The following SLC4A4 variants were observed in gnomAD, a reference collection of about 807,000 sequenced individuals.
SLC4A4 encodes the protein electrogenic sodium bicarbonate cotransporter 1.
Under a neutral mutation model 111.5 loss-of-function variants are expected in SLC4A4, and 27 were observed. The observed-to-expected ratio is 0.24, with a 90% CI of 0.18 to 0.33. The LOEUF is 0.33. Ranked by LOEUF, SLC4A4 falls within the 10% of genes least tolerant of loss-of-function variation. SLC4A4 has a pLI of 1.00. For missense variants in SLC4A4, 909 were observed against 1,315.5 expected, an observed-to-expected ratio of 0.69 and a Z score of 4.78; for synonymous variants, 443 against 463.4, an observed-to-expected ratio of 0.96 and a Z score of 0.57.
chr4:71,178,228 G>A (rs892916312), intron 2 of SLC4A4, among the ~76,000 whole-genome samples: 2 of 151,820 alleles, frequency 1.3e-5, no homozygotes, highest in African/African-American at 4.8e-5. Context: ...GAGAAAGCAG[G>A]AAAGATCTAA....
chr4:71,326,739 A>G lies in SLC4A4; in HGVS notation c.254-12631A>G, dbSNP rs147239375. Among the ~76,000 whole-genome samples, 48 of 152,136 alleles carry G rather than the reference A, an allele frequency of 3.2e-4. 1 individual carries two copies. The East Asian group carries it at 9.1e-3, about 29-fold the overall frequency. On this transcript the variant is annotated intron_variant, in intron 3 of 25. Coordinates refer to ENST00000264485, the MANE Select transcript of SLC4A4 (RefSeq NM_001098484.3). ...GGAGCCATTTGGTTTAGGTCTGAGC[A>G]CCTGAGCTATTGTAAAGCATGACAT...
chr4:71,433,755 T>A (rs1397528304), intron 7 of SLC4A4, among the ~76,000 whole-genome samples: 1 of 152,072 alleles, frequency 6.6e-6, no homozygotes, highest in Non-Finnish European at 1.5e-5. Flanking sequence ...CTACTTTTAG[T>A]TATACATATT....
rs149802590 is a variant in SLC4A4, at chr4:71,350,042, C to T, written c.520C>T (p.Arg174Trp). ...CMEKGSIMLD[R>W]EASSLPQLVE... ...GGAGAAAGGATCCATCATGCTTGAT[C>T]GGGAGGCTTCTTCTCTCCCACAGTT... Residue 174 changes from arginine (R) to tryptophan (W), a missense_variant, in exon 5 of 26, where the codon CGG becomes TGG. This residue lies in a region of SLC4A4 where 312 missense variants were observed against 402.0 expected (regional missense o/e 0.78). Transcript: ENST00000264485. The T allele has an allele frequency of 1.3e-3, 2,108 of 1,614,080 alleles. 4 individuals carry two copies. Among genetic ancestry groups the T allele is most frequent in the Admixed American group, 2.4e-3 (144 of 60,016 alleles).
At position 71,571,212 on chromosome 4, in the gene SLC4A4, G is replaced by C. The variant is rs149359243; in HGVS notation, c.*3461G>C. The stretch of plus-strand genomic sequence containing the variant: ...TTAAAAACAAAATGAAATAATTTGA[G>C]TTGTATTACAGAGGTTGACATTGTT... On this transcript the variant is annotated 3_prime_UTR_variant, in exon 26 of 26. Transcript: ENST00000264485. The C allele has an allele frequency of 2.6e-5, 4 of 152,346 alleles. No individual in the cohort carries two copies. The East Asian group carries it at 7.8e-4, about 30-fold the overall frequency. The allele number at this position is 152,346 out of a possible 1,614,324, so 9.4% of individuals were successfully genotyped here.
chr4:71,229,155 A>G (rs1719236255), intron 1 of SLC4A4, among the ~76,000 whole-genome samples: 1 of 152,234 alleles, frequency 6.6e-6, no homozygotes, highest in African/African-American at 2.4e-5. Flanking sequence ...TGTATAATGT[A>G]GTTTGTAACC....
chr4:71,302,621 G>A (rs2148842547), intron 3 of SLC4A4, among the ~76,000 whole-genome samples: 1 of 152,286 alleles, frequency 6.6e-6, no homozygotes, highest in South Asian at 2.1e-4. Flanking sequence ...TTCACTCCTG[G>A]TGTGCTGTGA....
chr4:71,539,480 T>C (rs28560030), intron 18 of SLC4A4, among the ~76,000 whole-genome samples: 3,160 of 152,240 alleles, frequency 0.021, 114 homozygotes, highest in African/African-American at 0.069. Flanking sequence ...AAATGAACAG[T>C]TGAGTTTTCC....
rs547682807 is a variant in SLC4A4 at position 71,289,551 on chromosome 4, G to A, written c.253+34152G>A. Among the ~76,000 whole-genome samples, 67 of 152,272 alleles carry A rather than the reference G, an allele frequency of 4.4e-4. 1 individual carries two copies. The highest frequency in any genetic ancestry group is 2.5e-3 in the South Asian group (12 of 4,830). On this transcript the variant is annotated intron_variant, in intron 3 of 25. Transcript: ENST00000264485. Reference sequence around the variant, plus strand: ...AACGTGTACATCCAACACAAGTTGAGAACACTTGCAAAGTAACATATCAAT... The same window carrying A: ...AACGTGTACATCCAACACAAGTTGAAAACACTTGCAAAGTAACATATCAAT...
intron 14 of SLC4A4, 195 bp downstream of exon 14, chr4:71,473,165 A>C (rs1335425673): frequency 8.4e-6 from 6 of 713,304 alleles, no homozygotes; most frequent in Non-Finnish European, 1.3e-5. Context: ...CAGGAAGGAG[A>C]CCAGGAGCTC....
At chr4:71,290,328 G>C (rs188521729) in intron 3 of SLC4A4, among the ~76,000 whole-genome samples, 8 of 152,266 alleles carry the variant, frequency 5.3e-5, no homozygotes, top group South Asian at 4.1e-4. Flanking sequence ...GCCAGCCAAG[G>C]GGGTGGAGGC....
At chr4:71,160,556 A>C (rs747989750) in intron 2 of SLC4A4, among the ~76,000 whole-genome samples, 1 of 152,098 alleles carries the variant, frequency 6.6e-6, no homozygotes, top group African/African-American at 2.4e-5. Flanking sequence ...ACCAGAAATA[A>C]GGGGAAATGT....
At chr4:71,145,905 G>A (rs1185625562) in intron 2 of SLC4A4, among the ~76,000 whole-genome samples, 1 of 152,076 alleles carries the variant, frequency 6.6e-6, no homozygotes, top group Admixed American at 6.5e-5. Flanking sequence ...CCAGCTCCTG[G>A]ATTCGTTGAT....
chr4:71,269,106 A>G (rs1193077839), intron 3 of SLC4A4, among the ~76,000 whole-genome samples: 1 of 152,218 alleles, frequency 6.6e-6, no homozygotes, highest in Non-Finnish European at 1.5e-5. Context: ...CCTCTATACT[A>G]ACTATATGGT....
intron 2 of SLC4A4, among the ~76,000 whole-genome samples, chr4:71,120,919 G>A (rs938814670): frequency 2.2e-4 from 34 of 152,212 alleles, no homozygotes; most frequent in African/African-American, 8.2e-4. Flanking sequence ...CTTGCGGGGA[G>A]GTGTGGAGGG....
intron 20 of SLC4A4, 111 bp downstream of exon 20, chr4:71,547,831 A>G (rs1171254658): frequency 3.3e-6 from 3 of 922,868 alleles, no homozygotes; most frequent in Non-Finnish European, 3.6e-6. Flanking sequence ...TCAGTTCTGT[A>G]ACACACTGAA....
chr4:71,443,210 G>T (rs1031493246), intron 8 of SLC4A4, among the ~76,000 whole-genome samples: 10 of 147,824 alleles, frequency 6.8e-5, no homozygotes, highest in African/African-American at 2.5e-4. Flanking sequence ...GAGTGCAGTG[G>T]CGTGATCTTG....
intron 16 of SLC4A4, among the ~76,000 whole-genome samples, chr4:71,527,551 C>T (rs1414961216): frequency 1.3e-5 from 2 of 151,956 alleles, no homozygotes; most frequent in Non-Finnish European, 2.9e-5. Context: ...TTAGTTTTTG[C>T]ATAAGTTTGA....
At chr4:71,512,844 G>C (rs1048215222) in intron 16 of SLC4A4, among the ~76,000 whole-genome samples, 6 of 152,148 alleles carry the variant, frequency 3.9e-5, no homozygotes, top group African/African-American at 1.2e-4. Flanking sequence ...GTATTCTTCT[G>C]GATGTGGGTA....
intron 8 of SLC4A4, among the ~76,000 whole-genome samples, chr4:71,444,066 G>T (rs1225688988): frequency 6.6e-6 from 1 of 152,138 alleles, no homozygotes; most frequent in Non-Finnish European, 1.5e-5. Context: ...CTGTTGTTTT[G>T]AGAGAAGGAT....
Sources: gnomAD v4.1 joint callset for allele counts (sites outside exome capture counted in the v4.1 genomes callset) on GRCh38, gnomAD v4.1.1 for gene constraint, gnomAD v4.1.1 regional missense constraint, MANE v1.5 for transcripts, NCBI Gene and HGNC (gene_info 2026-07-23, HGNC 2026-07-21) for gene names.